Variants in GUCY2C observed in about 807,000 individuals in gnomAD.
GUCY2C encodes guanylate cyclase 2C.
In GUCY2C, 118 loss-of-function variants were observed where a neutral mutation model predicts 131.1. The observed-to-expected ratio is 0.90, with a 90% CI of 0.78 to 1.05. The LOEUF (loss-of-function observed/expected upper bound fraction) is 1.05. Ranked by LOEUF, GUCY2C falls within the 50% of genes least tolerant of loss-of-function variation. The pLI is 0.00. For missense variants in GUCY2C, 1,161 were observed against 1,304.4 expected, an observed-to-expected ratio of 0.89 and a Z score of 1.69; for synonymous variants, 452 against 457.8, an observed-to-expected ratio of 0.99 and a Z score of 0.16.
chr12:14,613,348 C>T lies in GUCY2C; in HGVS notation c.3048-57G>A. 17 of 1,287,618 alleles carry T rather than the reference C, an allele frequency of 1.3e-5. No individual in the cohort carries two copies. The highest frequency in any genetic ancestry group is 9.5e-5 in the South Asian group (8 of 84,230). 79.8% of individuals were successfully genotyped at this position (1,287,618 alleles called of 1,614,324 possible). A position where few individuals can be genotyped will look rare whatever the true frequency, so the allele number is the denominator to read the frequency against. On this transcript the variant is annotated intron_variant, in intron 26 of 26. Transcript: ENST00000261170. This position sits in a 1 kb window ranked among gnomAD's most constrained non-coding sequence, Gnocchi z 4.9. ...TTCTCAGCAATTCATACAGAATATT[C>T]CTTAGCTCCAGAATAATCAGTTCAG...
At chr12:14,661,321 C>T (rs948457295) in intron 10 of GUCY2C, among the ~76,000 whole-genome samples, 1 of 152,064 alleles carries the variant, frequency 6.6e-6, no homozygotes, top group Admixed American at 6.6e-5. Flanking sequence ...ATAAGAATCA[C>T]CAAATGTTAC....
intron 11 of GUCY2C, among the ~76,000 whole-genome samples, chr12:14,660,743 A>G (rs935744397): frequency 2.0e-5 from 3 of 152,262 alleles, no homozygotes; most frequent in Admixed American, 2.0e-4. Context: ...CCACAGAACT[A>G]GTAACTCAAA....
Position 14,629,051 on chromosome 12 carries a change from G to T in GUCY2C, c.2158-314C>A, listed in dbSNP as rs1947087521. 1.3e-5 allele frequency among the ~76,000 whole-genome samples: 2 copies of T among 152,180 alleles called. 1 individual carries two copies. The highest frequency in any genetic ancestry group is 4.1e-4 in the South Asian group (2 of 4,828). On this transcript the variant is annotated intron_variant, in intron 19 of 26. Coordinates refer to ENST00000261170, the MANE Select transcript of GUCY2C (RefSeq NM_004963.4). ...TTTACGTTGGAGAGAGAAAAAAATA[G>T]TGAAGGTGTGGCAGGCCTCCATAAC... is the stretch of plus-strand genomic sequence containing the variant.
intron 8 of GUCY2C, among the ~76,000 whole-genome samples, 176 bp from the exon 9 acceptor site, chr12:14,673,134 G>C (rs1445725885): frequency 2.0e-5 from 3 of 152,172 alleles, no homozygotes; most frequent in African/African-American, 7.2e-5. Context: ...TTAGCCCAGA[G>C]ATCTCTGGAG....
rs1392076027 is a variant in GUCY2C, at chr12:14,639,779, A to G, written c.2157+83T>C. On this transcript the variant is annotated intron_variant, in intron 19 of 26. Coordinates refer to ENST00000261170, the MANE Select transcript of GUCY2C (RefSeq NM_004963.4). ...TTCTAGTCTCCAGAACCGTAAGTGAATAAATTTTTGTTGTTTTAATCCATT... is the reference window on the plus strand; with the variant it reads ...TTCTAGTCTCCAGAACCGTAAGTGAGTAAATTTTTGTTGTTTTAATCCATT... 1.6e-5 allele frequency: 14 copies of G among 889,692 alleles called. 1 individual carries two copies. The highest frequency in any genetic ancestry group is 9.7e-5 in the South Asian group (7 of 72,220). The allele number at this position is 889,692 out of a possible 1,614,324, so 55.1% of individuals were successfully genotyped here.
intron 7 of GUCY2C, among the ~76,000 whole-genome samples, chr12:14,675,787 A>G (rs1035647835): frequency 2.6e-5 from 4 of 152,190 alleles, no homozygotes; most frequent in African/African-American, 9.7e-5. Flanking sequence ...TTTGCAAAGA[A>G]TCGTATTTTT....
intron 10 of GUCY2C, chr12:14,665,977 T>C (rs1160427397): frequency 6.6e-6 from 1 of 152,168 alleles, no homozygotes; most frequent in Non-Finnish European, 1.5e-5. Context: ...GAAAGTTTAA[T>C]AGGCAGGAAA....
chr12:14,613,418 A>C lies in GUCY2C; in HGVS notation c.3048-127T>G. 1.4e-6 allele frequency: 1 copy of C among 705,830 alleles called. No homozygotes were observed. Among genetic ancestry groups the C allele is most frequent in the South Asian group, 1.7e-5 (1 of 57,774 alleles). 43.7% of individuals were successfully genotyped at this position (705,830 alleles called of 1,614,324 possible). A position where few individuals can be genotyped will look rare whatever the true frequency, so the allele number is the denominator to read the frequency against. On this transcript the variant is annotated intron_variant, in intron 26 of 26. Transcript: ENST00000261170. The surrounding 1 kb of genome is among the most constrained non-coding windows in gnomAD (Gnocchi z 4.9). The stretch of plus-strand genomic sequence containing the variant: ...ATGCCTATTCTGTGCTAGACACAGG[A>C]AATCCAAAGAATACAAAATGATCCC...
At position 14,614,899 on chromosome 12, in the gene GUCY2C, G is replaced by T; in HGVS notation, c.3015C>A (p.Asp1005Glu). Residue 1005 changes from aspartate (D) to glutamate (E), a missense_variant, in exon 26 of 27, where the codon GAC (aspartate) becomes GAA (glutamate). Asp to Glu is a conservative substitution (Grantham distance 45, BLOSUM62 2). Transcript: ENST00000261170. The part of the protein sequence containing the change: ...ETTYWLTGMK[D>E]QKFNLPTPPT... Reference sequence around the variant, plus strand: ...GAGGGGTTGGCAGGTTGAATTTCTGGTCCTTCATCCCAGTCAGCCAGTAGG... The same window carrying T: ...GAGGGGTTGGCAGGTTGAATTTCTGTTCCTTCATCCCAGTCAGCCAGTAGG... 1 of 1,585,474 alleles carries T rather than the reference G, an allele frequency of 6.3e-7. No homozygotes were observed. Among genetic ancestry groups the T allele is most frequent in the South Asian group, 1.2e-5 (1 of 86,868 alleles).
intron 2 of GUCY2C, 124 bp downstream of exon 2, chr12:14,687,827 A>G: frequency 1.6e-6 from 1 of 642,176 alleles, no homozygotes; most frequent in Non-Finnish European, 2.8e-6. Context: ...GTACTCGGCC[A>G]CTCATTCAGC....
At chr12:14,659,805 C>T (rs1285709954) in intron 11 of GUCY2C, among the ~76,000 whole-genome samples, 3 of 152,214 alleles carry the variant, frequency 2.0e-5, no homozygotes, top group African/African-American at 7.2e-5. Context: ...ATGTGTACCA[C>T]CTGTCTGCCA....
At chr12:14,616,508 G>GGGT (rs2136970456) in intron 25 of GUCY2C, 125 bp downstream of exon 25, 1 of 687,302 alleles carries the variant, frequency 1.5e-6, no homozygotes, top group Admixed American at 2.1e-5. Flanking sequence ...AGAGGATGGA[G>GGGT]GGTGCTCATC....
intron 6 of GUCY2C, 84 bp downstream of exon 6, chr12:14,679,573 A>C: frequency 5.3e-6 from 4 of 750,254 alleles, no homozygotes; most frequent in Non-Finnish European, 7.3e-6. Flanking sequence ...GTACAAAGCA[A>C]GAGAAAAGAG....
In GUCY2C at chr12:14,637,297, CA is replaced by C. The variant is rs1947291011; in HGVS notation, c.2157+2564del. Among the ~76,000 whole-genome samples the C allele has an allele frequency of 2.7e-5, 4 of 148,572 alleles. No homozygotes were observed. In the South Asian group the frequency reaches 8.6e-4, roughly 32 times the overall value. On this transcript the variant is annotated intron_variant, in intron 19 of 26. Coordinates refer to ENST00000261170, the MANE Select transcript of GUCY2C (RefSeq NM_004963.4). Reference sequence around the variant, plus strand: ...CTGATGAAAATGAAGAGGACAAAAACAAATGGAATGATATCCCATGCTCATG... The same window carrying C: ...CTGATGAAAATGAAGAGGACAAAAACAATGGAATGATATCCCATGCTCATG...
rs147508547 is a variant in GUCY2C, at chr12:14,664,984, C to T, written c.1283-3922G>A. Among the ~76,000 whole-genome samples, 527 of 152,072 alleles carry T rather than the reference C, an allele frequency of 3.5e-3. 4 individuals carry two copies. The highest frequency in any genetic ancestry group is 0.012 in the African/African-American group (503 of 41,508). ...ATCCCAGCACTTTGGGAAGCCAAGG[C>T]GGGTGGATCACGAGGTCAGGAGTTC... On this transcript the variant is annotated intron_variant, in intron 10 of 26. Transcript: ENST00000261170.
At chr12:14,637,123 T>A (rs369689899) in intron 19 of GUCY2C, among the ~76,000 whole-genome samples, 9 of 151,098 alleles carry the variant, frequency 6.0e-5, no homozygotes, top group African/African-American at 2.2e-4. Flanking sequence ...AAATCGGTAG[T>A]GTTTTTATAT....
Position 14,621,915 on chromosome 12 carries a change from T to A in GUCY2C, c.2601+90A>T, listed in dbSNP as rs7302418. 824,488 of 829,564 alleles carry A rather than the reference T, an allele frequency of 0.99. 409,868 individuals are homozygous for A. Among genetic ancestry groups the A allele is most frequent in the East Asian group, 1 (34,030 of 34,030 alleles). The allele number at this position is 829,564 out of a possible 1,614,324, so 51.4% of individuals were successfully genotyped here. On this transcript the variant is annotated intron_variant, in intron 22 of 26. Transcript: ENST00000261170. ...TTCACTAAATGTGAAACTAGAGCGG[T>A]CAAGAGTAGTAACAGAAACAACCAA... is the stretch of plus-strand genomic sequence containing the variant.
At position 14,657,519 on chromosome 12, in the gene GUCY2C, A is replaced by T. The variant is rs956020535; in HGVS notation, c.1365-902T>A. Among the ~76,000 whole-genome samples, 17 of 152,220 alleles carry T rather than the reference A, an allele frequency of 1.1e-4. 1 individual carries two copies. Among genetic ancestry groups the T allele is most frequent in the Admixed American group, 6.5e-4 (10 of 15,274 alleles). ...TAGGCCCCCAACCCCTGGGCCATGG[A>T]CTGGTACTGGTCCGTAGCCTGTTAG... On this transcript the variant is annotated intron_variant, in intron 11 of 26. Coordinates refer to ENST00000261170, the MANE Select transcript of GUCY2C (RefSeq NM_004963.4).
chr12:14,696,269 C>G lies in GUCY2C; in HGVS notation c.180G>C (p.Glu60Asp). 6.2e-7 allele frequency: 1 copy of G among 1,614,154 alleles called. No homozygotes were observed. Among genetic ancestry groups the G allele is most frequent in the Non-Finnish European group, 8.5e-7 (1 of 1,179,986 alleles). Reference protein sequence around the residue: ...PLKNLEDAVNEGLEIVRGRLQ... With the variant: ...PLKNLEDAVNDGLEIVRGRLQ... ...GACGTCCTCTCACTATTTCCAGCCC[C>G]TCATTCACCGCATCTTCCAAGTTTT... The change falls in exon 1 of 27, where the codon GAG becomes GAC. Residue 60 changes from glutamate (E) to aspartate (D), a missense_variant. Glu to Asp is a conservative substitution (Grantham distance 45, BLOSUM62 2). Coordinates refer to ENST00000261170, the MANE Select transcript of GUCY2C (RefSeq NM_004963.4).
Sources: gnomAD v4.1 joint callset for allele counts (sites outside exome capture counted in the v4.1 genomes callset) on GRCh38, gnomAD v4.1.1 for gene constraint, Gnocchi (gnomAD v3.1) non-coding constraint, MANE v1.5 for transcripts, NCBI Gene and HGNC (gene_info 2026-07-23, HGNC 2026-07-21) for gene names.